The following RECK variants were observed in gnomAD, a reference collection of about 807,000 sequenced individuals.
The protein encoded by RECK is reversion inducing cysteine rich protein with kazal motifs.
RECK carries 69 observed loss-of-function variants against 115.1 expected under a neutral mutation model. The ratio of observed to expected loss-of-function variants is 0.60; its 90% CI spans 0.49 to 0.73. RECK has a LOEUF of 0.73. RECK is among the 30% of genes least tolerant of loss of function. The pLI is 0.00. For synonymous variants in RECK, 414 were observed against 419.7 expected (o/e 0.99, Z 0.17); for missense variants, 1,047 against 1,203.7 (o/e 0.87, Z 1.93).
chr9:36,102,664 T>C (rs1040225697), intron 12 of RECK, among the ~76,000 whole-genome samples: 7 of 151,936 alleles, frequency 4.6e-5, no homozygotes, highest in African/African-American at 1.7e-4. Context: ...TATAAAAAAA[T>C]GATAGTCTAG....
intron 6 of RECK, among the ~76,000 whole-genome samples, chr9:36,071,818 T>C (rs1195590768): frequency 3.9e-5 from 6 of 152,200 alleles, no homozygotes; most frequent in African/African-American, 1.4e-4. Flanking sequence ...TCTGTGAGAA[T>C]GCTAAAATTA....
At chr9:36,104,292 G>GTGCATATATATATATATATA (rs34438663) in intron 12 of RECK, among the ~76,000 whole-genome samples, 3 of 43,888 alleles carry the variant, frequency 6.8e-5, no homozygotes, top group African/African-American at 1.8e-4. Context: ...GTGTGTGTGT[G>GTGCATATATATATATATATA]TATATATATA....
intron 6 of RECK, among the ~76,000 whole-genome samples, chr9:36,077,840 A>C (rs1460380239): frequency 6.6e-6 from 1 of 152,134 alleles, no homozygotes; most frequent in East Asian, 1.9e-4. Context: ...CCAGACAGCA[A>C]ATATTTTAGG....
At chr9:36,047,785 G>A (rs1331682120) in intron 1 of RECK, among the ~76,000 whole-genome samples, 10 of 126,572 alleles carry the variant, frequency 7.9e-5, no homozygotes, top group Non-Finnish European at 1.6e-4. Flanking sequence ...TTTTGACATA[G>A]AAATAGTATT....
chr9:36,104,292 G>GCATATA (rs1554709313), intron 12 of RECK, among the ~76,000 whole-genome samples: 26 of 43,884 alleles, frequency 5.9e-4, no homozygotes, highest in East Asian at 3.2e-3. Flanking sequence ...GTGTGTGTGT[G>GCATATA]TATATATATA....
At chr9:36,043,339 G>A (rs1358641966) in intron 1 of RECK, among the ~76,000 whole-genome samples, 4 of 149,792 alleles carry the variant, frequency 2.7e-5, no homozygotes, top group Non-Finnish European at 5.9e-5. Context: ...ACCGAGTCCG[G>A]CTCCTTAGCC....
chr9:36,055,026 T>G (rs980521715), intron 2 of RECK, among the ~76,000 whole-genome samples: 3 of 152,168 alleles, frequency 2.0e-5, no homozygotes, highest in African/African-American at 7.2e-5. Flanking sequence ...GAGATAAGTA[T>G]GGGTAAAAAA....
chr9:36,121,469 A>C (rs1824456338), intron 19 of RECK, 64 bp from the exon 20 acceptor site: 1 of 1,495,904 alleles, frequency 6.7e-7, no homozygotes, highest in African/African-American at 1.4e-5. Flanking sequence ...GCCCAAAGCA[A>C]GGGAGCTTAG....
chr9:36,048,644 C>G (rs1239448819), intron 1 of RECK, among the ~76,000 whole-genome samples: 1 of 152,142 alleles, frequency 6.6e-6, no homozygotes, highest in East Asian at 1.9e-4. Context: ...ATTCTTTACT[C>G]TTGTCTAGAT....
intron 19 of RECK, 113 bp downstream of exon 19, chr9:36,120,849 AAAGC>A: frequency 2.6e-6 from 2 of 776,050 alleles, no homozygotes; most frequent in Non-Finnish European, 4.2e-6. Context: ...AATCTTCAGA[AAAGC>A]AACTTTCCCA....
intron 6 of RECK, among the ~76,000 whole-genome samples, chr9:36,071,660 A>G (rs1822234641): frequency 6.6e-6 from 1 of 152,044 alleles, no homozygotes; most frequent in Non-Finnish European, 1.5e-5. Context: ...TTGATGTTAT[A>G]TCATTAAGGA....
In RECK at chr9:36,036,986, GC is replaced by G; in HGVS notation, c.-10del. ...CCGAGCATCCCGCGGCTCTGGAGCC[GC>G]CCGGCCCGGACATGGCGACCGTCCG... is the stretch of plus-strand genomic sequence containing the variant. On this transcript the variant is annotated 5_prime_UTR_variant, in exon 1 of 21. Transcript: ENST00000377966. 2 of 1,417,360 alleles carry G rather than the reference GC, an allele frequency of 1.4e-6. No individual in the cohort carries two copies. Among genetic ancestry groups the G allele is most frequent in the Non-Finnish European group, 1.8e-6 (2 of 1,083,684 alleles). The allele number at this position is 1,417,360 out of a possible 1,614,324, so 87.8% of individuals were successfully genotyped here. A position where few individuals can be genotyped will look rare whatever the true frequency, so the allele number is the denominator to read the frequency against.
intron 1 of RECK, among the ~76,000 whole-genome samples, chr9:36,037,591 G>C (rs1820717322): frequency 6.6e-6 from 1 of 151,896 alleles, no homozygotes; most frequent in Non-Finnish European, 1.5e-5. Flanking sequence ...ACTCGGGCAG[G>C]AGACATTAAA....
At chr9:36,047,625 TGCTTC>T (rs1821115428) in intron 1 of RECK, among the ~76,000 whole-genome samples, 2 of 152,146 alleles carry the variant, frequency 1.3e-5, no homozygotes, top group African/African-American at 4.8e-5. Flanking sequence ...CCCTTATGAG[TGCTTC>T]GGTCCTCCCT....
intron 10 of RECK, among the ~76,000 whole-genome samples, chr9:36,097,818 G>GTATATATACACTGTGGAATCCTA (rs1451280626): frequency 3.9e-5 from 6 of 152,138 alleles, no homozygotes; most frequent in African/African-American, 1.4e-4. Context: ...AGAATATGTG[G>GTATATATACACTGTGGAATCCTA]TATATATACA....
intron 12 of RECK, among the ~76,000 whole-genome samples, chr9:36,104,059 AT>A (rs954677382): frequency 3.3e-5 from 5 of 151,854 alleles, no homozygotes; most frequent in Non-Finnish European, 7.4e-5. Flanking sequence ...CTTGGCCATG[AT>A]TTCCGAAGTT....
chr9:36,099,224 T>TCAACAACAACAACAA (rs60403523), intron 10 of RECK, among the ~76,000 whole-genome samples: 2 of 146,870 alleles, frequency 1.4e-5, no homozygotes, highest in Admixed American at 6.9e-5. Flanking sequence ...AGAACCTGTC[T>TCAACAACAACAACAA]CAACAACAAC....
intron 1 of RECK, among the ~76,000 whole-genome samples, chr9:36,050,079 T>C (rs7858124): frequency 0.46 from 70,169 of 151,968 alleles, 16,365 homozygotes; most frequent in Middle Eastern, 0.62. Flanking sequence ...GATCTTGTCC[T>C]TCCCCAGATG....
At chr9:36,047,946 T>G (rs1407977191) in intron 1 of RECK, among the ~76,000 whole-genome samples, 1 of 151,724 alleles carries the variant, frequency 6.6e-6, no homozygotes, top group Non-Finnish European at 1.5e-5. Context: ...AGAAACTTGG[T>G]TGGTAAGATC....
Sources: gnomAD v4.1 joint callset for allele counts (sites outside exome capture counted in the v4.1 genomes callset) on GRCh38, gnomAD v4.1.1 for gene constraint, MANE v1.5 for transcripts, NCBI Gene and HGNC (gene_info 2026-07-23, HGNC 2026-07-21) for gene names.